Variants in SYNJ2BP observed in about 807,000 individuals in gnomAD.
SYNJ2BP encodes synaptojanin 2 binding protein.
A neutral mutation model predicts 16.9 loss-of-function variants in SYNJ2BP; 10 were observed. The observed-to-expected ratio is 0.59, with a 90% CI of 0.36 to 1.00. The LOEUF (loss-of-function observed/expected upper bound fraction) is 1.00, where lower values mean the gene tolerates loss of function less well. Ranked by LOEUF, SYNJ2BP falls within the 50% of genes least tolerant of loss-of-function variation. The pLI, the probability that SYNJ2BP is intolerant of heterozygous loss-of-function variation, is 0.01. For missense variants in SYNJ2BP, 162 were observed against 186.7 expected, an observed-to-expected ratio of 0.87 and a Z score of 0.77; for synonymous variants, 54 against 68.4, an observed-to-expected ratio of 0.79 and a Z score of 1.04.
chr14:70,402,376 A>G (rs1199252211), intron 1 of SYNJ2BP, among the ~76,000 whole-genome samples: 2 of 152,102 alleles, frequency 1.3e-5, no homozygotes, highest in Non-Finnish European at 2.9e-5. Context: ...GTGTGGCTTA[A>G]TGTCTTTGTA....
At position 70,388,574 on chromosome 14, in the gene SYNJ2BP, G is replaced by C. The variant is rs575292923; in HGVS notation, c.97C>G (p.Gln33Glu). ...CCACTGTCGTTGGAGACATACTGCT[G>C]ATCTGTCCCACCGACGATGTTGAAG... is the stretch of plus-strand genomic sequence containing the variant. ...LGFNIVGGTDQQYVSNDSGIY... is the reference protein window; with the variant it reads ...LGFNIVGGTDEQYVSNDSGIY... The change falls in exon 2 of 4, where the codon CAG (glutamine) becomes GAG (glutamate). Residue 33 changes from glutamine (Q) to glutamate (E), a missense_variant. By Grantham distance (29) the Gln-to-Glu change is conservative (BLOSUM62 2). Coordinates refer to ENST00000256366, the MANE Select transcript of SYNJ2BP (RefSeq NM_018373.3). 1.3e-6 allele frequency: 2 copies of C among 1,578,962 alleles called. No homozygotes were observed. The highest frequency in any genetic ancestry group is 1.7e-6 in the Non-Finnish European group (2 of 1,163,434).
intron 1 of SYNJ2BP, among the ~76,000 whole-genome samples, chr14:70,415,857 T>C (rs1183002931): frequency 2.6e-5 from 4 of 152,178 alleles, no homozygotes; most frequent in Non-Finnish European, 5.9e-5. Context: ...GTAACAATAG[T>C]AGGAAACACA....
chr14:70,388,424 G>A, intron 2 of SYNJ2BP, 46 bp downstream of exon 2: 1 of 1,474,162 alleles, frequency 6.8e-7, no homozygotes, highest in Non-Finnish European at 9.0e-7. Context: ...AGGACCTAGG[G>A]CTTAGGGAGC....
intron 1 of SYNJ2BP, among the ~76,000 whole-genome samples, chr14:70,405,068 A>AG (rs1245348115): frequency 6.6e-6 from 1 of 152,154 alleles, no homozygotes; most frequent in Non-Finnish European, 1.5e-5. Context: ...ATGAGGCTGC[A>AG]GTAAGCTGTA....
chr14:70,372,764 C>A lies in SYNJ2BP; in HGVS notation c.*227G>T. The A allele has an allele frequency of 1.8e-6, 1 of 544,778 alleles. No individual in the cohort carries two copies. Among genetic ancestry groups the A allele is most frequent in the African/African-American group, 1.9e-5 (1 of 52,112 alleles). The allele number at this position is 544,778 out of a possible 1,614,324, so 33.7% of individuals were successfully genotyped here. Reference sequence around the variant, plus strand: ...AAAAGTCCTAGTAAAATATATAACTCCTCATTTGTTCTAAGCCAAGTCTTT... The same window carrying A: ...AAAAGTCCTAGTAAAATATATAACTACTCATTTGTTCTAAGCCAAGTCTTT... On this transcript the variant is annotated 3_prime_UTR_variant, in exon 4 of 4. Transcript: ENST00000256366.
At chr14:70,412,892 A>C (rs898173359) in intron 1 of SYNJ2BP, among the ~76,000 whole-genome samples, 1 of 152,138 alleles carries the variant, frequency 6.6e-6, no homozygotes, top group Non-Finnish European at 1.5e-5. Context: ...GTGCAAAAAA[A>C]CATATTAAAC....
rs540054356 is a variant in SYNJ2BP at position 70,383,735 on chromosome 14, T to G, written c.201+4735A>C. On this transcript the variant is annotated intron_variant, in intron 2 of 3. Transcript: ENST00000256366. ...TTATTCCAGGTTCCATAATGGTTTA[T>G]TCTAATAATAAACCATTCTCGCCAG... 3.5e-4 allele frequency among the ~76,000 whole-genome samples: 54 copies of G among 152,282 alleles called. No homozygotes were observed. In the South Asian group the frequency reaches 0.01, roughly 29 times the overall value.
Position 70,416,897 on chromosome 14 carries a change from T to C in SYNJ2BP, c.64+3A>G, listed in dbSNP as rs757814050. ...TGTCAGATATGACCCTTTCCGCACA[T>C]ACCTGAGGGCCCTCTGGTAAGATTG... is the stretch of plus-strand genomic sequence containing the variant. On this transcript the variant is annotated splice_donor_region_variant and intron_variant, in intron 1 of 3. Transcript: ENST00000256366. The C allele has an allele frequency of 3.1e-6, 5 of 1,614,098 alleles. No homozygotes were observed. Among genetic ancestry groups the C allele is most frequent in the Non-Finnish European group, 4.2e-6 (5 of 1,179,998 alleles).
At chr14:70,415,524 C>T (rs927594513) in intron 1 of SYNJ2BP, among the ~76,000 whole-genome samples, 13 of 147,450 alleles carry the variant, frequency 8.8e-5, no homozygotes, top group African/African-American at 3.0e-4. Flanking sequence ...GCACTCTAGC[C>T]TGGGCAACAG....
chr14:70,406,957 C>T (rs1402276020), intron 1 of SYNJ2BP, among the ~76,000 whole-genome samples: 3 of 152,098 alleles, frequency 2.0e-5, no homozygotes, highest in Non-Finnish European at 4.4e-5. Context: ...GTCTAGGCAG[C>T]GAGCAAGAAG....
chr14:70,390,305 C>T (rs6573960), intron 1 of SYNJ2BP, among the ~76,000 whole-genome samples: 133,117 of 152,234 alleles, frequency 0.87, 58,260 homozygotes, highest in East Asian at 0.93. Flanking sequence ...AAAAATCTAG[C>T]GGTGCAATTG....
chr14:70,383,306 T>G (rs1009185290), intron 2 of SYNJ2BP, among the ~76,000 whole-genome samples: 1 of 152,242 alleles, frequency 6.6e-6, no homozygotes, highest in African/African-American at 2.4e-5. Context: ...GGGTTTCTGC[T>G]GGGTCTTTCT....
rs71448320 is a variant in SYNJ2BP at position 70,367,561 on chromosome 14, C to CAAAAAAAAAAAA, written c.*5418_*5429dup. ...TAGGCGACAGAGCAAGACTCCGTCT[C>CAAAAAAAAAAAA]AAAAAAAAAAAAAAAAAAAAAAAAA... On this transcript the variant is annotated 3_prime_UTR_variant, in exon 4 of 4. Coordinates refer to ENST00000256366, the MANE Select transcript of SYNJ2BP (RefSeq NM_018373.3). 6.0e-4 allele frequency: 22 copies of CAAAAAAAAAAAA among 36,938 alleles called. No homozygotes were observed. Among genetic ancestry groups the CAAAAAAAAAAAA allele is most frequent in the African/African-American group, 1.5e-3 (16 of 10,336 alleles). The allele number at this position is 36,938 out of a possible 1,614,324, so 2.3% of individuals were successfully genotyped here.
At chr14:70,389,715 G>C (rs1409676221) in intron 1 of SYNJ2BP, among the ~76,000 whole-genome samples, 2 of 152,122 alleles carry the variant, frequency 1.3e-5, no homozygotes, top group East Asian at 3.8e-4. Context: ...AAATTTTGGA[G>C]TTGGAAGCAT....
intron 1 of SYNJ2BP, among the ~76,000 whole-genome samples, chr14:70,394,458 CTTTTTTTT>C (rs533858770): frequency 1.5e-5 from 2 of 133,370 alleles, no homozygotes; most frequent in African/African-American, 5.4e-5. Context: ...TGGGATTCAA[CTTTTTTTT>C]TTTTTTTTTT....
intron 1 of SYNJ2BP, among the ~76,000 whole-genome samples, chr14:70,396,248 A>T (rs1888091197): frequency 1.3e-5 from 2 of 152,024 alleles, no homozygotes. Flanking sequence ...CTCCTGAGTA[A>T]CTGGGATTAC....
intron 2 of SYNJ2BP, among the ~76,000 whole-genome samples, chr14:70,382,953 A>C (rs773745763): frequency 2.0e-5 from 3 of 152,226 alleles, no homozygotes; most frequent in Non-Finnish European, 4.4e-5. Flanking sequence ...AGAGACATAG[A>C]GAAAGAATGG....
At chr14:70,388,838 G>A (rs1352487278) in intron 1 of SYNJ2BP, among the ~76,000 whole-genome samples, 3 of 151,936 alleles carry the variant, frequency 2.0e-5, no homozygotes, top group Admixed American at 6.6e-5. Context: ...TAAACACAGT[G>A]ATCCACCTGT....
rs777704021 is a variant in SYNJ2BP, at chr14:70,373,088, T to TCC, written c.339_340dup (p.Asp114GlyfsTer21). On this transcript the variant is annotated frameshift_variant, in exon 4 of 4. Coordinates refer to ENST00000256366, the MANE Select transcript of SYNJ2BP (RefSeq NM_018373.3). LOFTEE classifies it high-confidence loss of function. ...CATAAATATGGGAATACCACTTGGGTCCCCTTCACCTCGATGTCCTATAGG... is the reference window on the plus strand; with the variant it reads ...CATAAATATGGGAATACCACTTGGGTCCCCCCTTCACCTCGATGTCCTATAGG... 3.0e-5 allele frequency: 49 copies of TCC among 1,613,976 alleles called. No homozygotes were observed. Among genetic ancestry groups the TCC allele is most frequent in the Non-Finnish European group, 4.0e-5 (47 of 1,180,010 alleles).
Sources: gnomAD v4.1 joint callset for allele counts (sites outside exome capture counted in the v4.1 genomes callset) on GRCh38, gnomAD v4.1.1 for gene constraint, MANE v1.5 for transcripts, NCBI Gene and HGNC (gene_info 2026-07-23, HGNC 2026-07-21) for gene names.